The following INPP4B variants were observed in gnomAD, a reference collection of about 807,000 sequenced individuals.
The protein encoded by INPP4B is inositol polyphosphate 4-phosphatase type II.
In INPP4B, 55 loss-of-function variants were observed where a neutral mutation model predicts 122.5. The ratio of observed to expected loss-of-function variants is 0.45; its 90% CI spans 0.36 to 0.56. The LOEUF (loss-of-function observed/expected upper bound fraction) is 0.56, where lower values mean the gene tolerates loss of function less well. Ranked by LOEUF, INPP4B falls within the 20% of genes least tolerant of loss-of-function variation. INPP4B has a pLI of 0.00. For synonymous variants in INPP4B, 403 were observed against 388.7 expected (o/e 1.04, Z -0.43); for missense variants, 1,000 against 1,097.7 (o/e 0.91, Z 1.26).
intron 7 of INPP4B, among the ~76,000 whole-genome samples, chr4:142,387,766 T>A (rs1796420719): frequency 6.6e-6 from 1 of 152,200 alleles, no homozygotes; most frequent in South Asian, 2.1e-4. Context: ...GTAGTGAATC[T>A]GGTGTGCTTT....
intron 8 of INPP4B, among the ~76,000 whole-genome samples, chr4:142,312,107 T>C (rs1765728710): frequency 6.6e-6 from 1 of 152,214 alleles, no homozygotes; most frequent in Admixed American, 6.5e-5. Context: ...ATTTCTCTTT[T>C]AGTCCAGGAA....
chr4:142,717,679 G>A (rs190074964), intron 2 of INPP4B, among the ~76,000 whole-genome samples: 2 of 152,062 alleles, frequency 1.3e-5, no homozygotes, highest in African/African-American at 4.8e-5. Flanking sequence ...TCATAGGTGG[G>A]AAATGAGCAA....
intron 25 of INPP4B, 114 bp from the exon 26 acceptor site, chr4:142,029,028 T>G: frequency 1.4e-6 from 2 of 1,436,622 alleles, no homozygotes; most frequent in Non-Finnish European, 1.8e-6. Flanking sequence ...AAGATTCAAC[T>G]CTACATTTTT....
rs111705685 is a variant in INPP4B, at chr4:142,563,730, G to A, written c.-190-101004C>T. 3.9e-3 allele frequency among the ~76,000 whole-genome samples: 594 copies of A among 152,260 alleles called. 7 individuals are homozygous for A. The highest frequency in any genetic ancestry group is 7.5e-3 in the South Asian group (36 of 4,822). On this transcript the variant is annotated intron_variant, in intron 2 of 25. Transcript: ENST00000262992. ...ATATTGTCTAGCTCTGAGCATAAGCGTGAAAATAACTTGCAGTTTCTTTCT... is the reference window on the plus strand; with the variant it reads ...ATATTGTCTAGCTCTGAGCATAAGCATGAAAATAACTTGCAGTTTCTTTCT...
chr4:142,123,357 C>G lies in INPP4B; in HGVS notation c.1952G>C (p.Gly651Ala), dbSNP rs767404136. ...IKLQTSLYDP[G>A]FLQQLHTVGL... ...CACTGTGTGAAGCTGCTGTAGGAAGCCTGGGTCATACAGACTTGTCTGTAA... is the reference window on the plus strand; with the variant it reads ...CACTGTGTGAAGCTGCTGTAGGAAGGCTGGGTCATACAGACTTGTCTGTAA... The change falls in exon 20 of 26, where the codon GGC becomes GCC. Residue 651 changes from glycine (G) to alanine (A), a missense_variant. Gly to Ala is a moderately conservative substitution (Grantham distance 60). Transcript: ENST00000262992. 1.9e-6 allele frequency: 3 copies of G among 1,612,738 alleles called. No homozygotes were observed. Among genetic ancestry groups the G allele is most frequent in the South Asian group, 1.1e-5 (1 of 91,046 alleles).
intron 23 of INPP4B, among the ~76,000 whole-genome samples, chr4:142,103,886 A>G (rs1323338904): frequency 6.6e-6 from 1 of 152,032 alleles, no homozygotes; most frequent in Non-Finnish European, 1.5e-5. Context: ...TTTTTTCTAA[A>G]AAGTATTTTG....
chr4:142,193,908 C>T (rs1369557062), intron 14 of INPP4B, among the ~76,000 whole-genome samples: 1 of 151,998 alleles, frequency 6.6e-6, no homozygotes, highest in African/African-American at 2.4e-5. Context: ...CAAAACATGC[C>T]ATCATTTTTA....
At chr4:142,478,545 CAT>C (rs1820095772) in intron 2 of INPP4B, among the ~76,000 whole-genome samples, 1 of 152,014 alleles carries the variant, frequency 6.6e-6, no homozygotes. Context: ...TTGAGATAAT[CAT>C]GTGGTTTTTG....
At chr4:142,765,906 A>G (rs893570192) in intron 1 of INPP4B, 3 of 151,980 alleles carry the variant, frequency 2.0e-5, no homozygotes, top group Admixed American at 2.0e-4. Context: ...TCCAGCTAAC[A>G]AGGTGCTATT....
At chr4:142,480,501 A>T (rs1029770565) in intron 2 of INPP4B, among the ~76,000 whole-genome samples, 1 of 152,178 alleles carries the variant, frequency 6.6e-6, no homozygotes, top group Non-Finnish European at 1.5e-5. Context: ...CTCATTACTC[A>T]ACTGGGTGCA....
chr4:142,109,805 A>T (rs1789086361), intron 22 of INPP4B, among the ~76,000 whole-genome samples: 1 of 152,064 alleles, frequency 6.6e-6, no homozygotes, highest in Admixed American at 6.6e-5. Flanking sequence ...TCCTCACTGG[A>T]TTACACCTTC....
intron 11 of INPP4B, among the ~76,000 whole-genome samples, chr4:142,260,219 C>T (rs1459968446): frequency 6.6e-6 from 1 of 152,162 alleles, no homozygotes; most frequent in Admixed American, 6.5e-5. Context: ...CTCTTGACCT[C>T]ATGATCCGCC....
intron 2 of INPP4B, among the ~76,000 whole-genome samples, chr4:142,560,821 TG>T (rs1366076209): frequency 6.6e-6 from 1 of 152,142 alleles, no homozygotes; most frequent in Non-Finnish European, 1.5e-5. Context: ...CCGACTCAAA[TG>T]TATCTCTTTT....
At chr4:142,144,910 T>C (rs1366491247) in intron 18 of INPP4B, among the ~76,000 whole-genome samples, 1 of 152,074 alleles carries the variant, frequency 6.6e-6, no homozygotes, top group Non-Finnish European at 1.5e-5. Flanking sequence ...TATTTTCTTA[T>C]GACTCTTTTT....
intron 9 of INPP4B, among the ~76,000 whole-genome samples, chr4:142,273,405 A>G (rs147046813): frequency 1.3e-5 from 2 of 152,072 alleles, no homozygotes; most frequent in East Asian, 3.9e-4. Flanking sequence ...ATGCTATCTC[A>G]ACAGTGATTC....
chr4:142,159,261 G>GAAAAAAAAAAA (rs5862573), intron 17 of INPP4B, among the ~76,000 whole-genome samples: 1 of 147,716 alleles, frequency 6.8e-6, no homozygotes. Context: ...TTGGAACTGT[G>GAAAAAAAAAAA]AAAAAAAAAA....
Position 142,260,537 on chromosome 4 carries a change from G to T in INPP4B, c.643C>A (p.Pro215Thr). 6.2e-7 allele frequency: 1 copy of T among 1,609,228 alleles called. No homozygotes were observed. Among genetic ancestry groups the T allele is most frequent in the Non-Finnish European group, 8.5e-7 (1 of 1,177,618 alleles). Reference protein sequence around the residue: ...KCALVCECTAPESVSGKDNLP... With the variant: ...KCALVCECTATESVSGKDNLP... ...TTATCTTTTCCGCTCACACTTTCCG[G>T]GGCTGTACATTCACATACCAGGGCA... Residue 215 changes from proline (P) to threonine (T), a missense_variant, in exon 11 of 26, where the codon CCG becomes ACG. Pro to Thr is a conservative substitution (Grantham distance 38, BLOSUM62 -1). Coordinates refer to ENST00000262992, the MANE Select transcript of INPP4B (RefSeq NM_001101669.3).
intron 7 of INPP4B, among the ~76,000 whole-genome samples, chr4:142,337,708 TTATATATAA>T (rs1215070879): frequency 1.7e-5 from 2 of 115,592 alleles, no homozygotes; most frequent in East Asian, 6.4e-4. Context: ...TTTATGTATA[TTATATATAA>T]TATATATTTT....
At chr4:142,360,042 T>C (rs1391101310) in intron 7 of INPP4B, among the ~76,000 whole-genome samples, 1 of 151,986 alleles carries the variant, frequency 6.6e-6, no homozygotes, top group Non-Finnish European at 1.5e-5. Flanking sequence ...TTGAGTTAAA[T>C]TTCATATATA....
Sources: allele counts gnomAD v4.1 joint callset (sites outside exome capture counted in the v4.1 genomes callset), GRCh38; gene constraint gnomAD v4.1.1; transcripts MANE v1.5; gene names NCBI Gene and HGNC (gene_info 2026-07-23, HGNC 2026-07-21).